COL21A1: variants seen among roughly 807,000 people sequenced by gnomAD.
The protein encoded by COL21A1 is collagen alpha-1(XXI) chain.
Under a neutral mutation model 137.9 loss-of-function variants are expected in COL21A1, and 149 were observed. The observed-to-expected ratio is 1.08, with a 90% confidence interval of 0.95 to 1.24. The LOEUF (loss-of-function observed/expected upper bound fraction) is 1.24. Ranked by LOEUF, COL21A1 falls within the 50% of genes most tolerant of loss-of-function variation. The pLI, the probability that COL21A1 is intolerant of heterozygous loss-of-function variation, is 0.00. For missense variants in COL21A1, 1,167 were observed against 1,158.4 expected (o/e 1.01, Z -0.11); for synonymous variants, 456 against 391.5 (o/e 1.16, Z -1.95).
intron 12 of COL21A1, among the ~76,000 whole-genome samples, chr6:56,126,968 A>T (rs945381396): frequency 1.3e-5 from 2 of 152,190 alleles, no homozygotes; most frequent in African/African-American, 4.8e-5. Flanking sequence ...ATATGATTTA[A>T]AGAGTGATAT....
chr6:56,171,167 C>T, intron 3 of COL21A1, 39 bp from the exon 4 acceptor site: 1 of 1,455,856 alleles, frequency 6.9e-7, no homozygotes, highest in Non-Finnish European at 9.3e-7. Context: ...TAATCATGGA[C>T]TATTCAAACA....
At chr6:56,098,202 TATATATAAATATATAAATAC>T (rs1225167649) in intron 17 of COL21A1, among the ~76,000 whole-genome samples, 9 of 10,512 alleles carry the variant, frequency 8.6e-4, no homozygotes, top group Non-Finnish European at 1.1e-3. Flanking sequence ...AATATATAAA[TATATATAAATATATAAATAC>T]ATATATAAAT....
At chr6:56,063,456 G>A (rs1418680285) in intron 24 of COL21A1, among the ~76,000 whole-genome samples, 1 of 70,262 alleles carries the variant, frequency 1.4e-5, no homozygotes. Flanking sequence ...TGCCAGGTTG[G>A]GGAATAGGAT....
intron 1 of COL21A1, among the ~76,000 whole-genome samples, chr6:56,386,404 C>T (rs1420226126): frequency 6.6e-6 from 1 of 152,114 alleles, no homozygotes; most frequent in Non-Finnish European, 1.5e-5. Context: ...CTTTCAGTTT[C>T]TTCTATGTAC....
chr6:56,390,739 T>C (rs1051224913), intron 1 of COL21A1, among the ~76,000 whole-genome samples: 1 of 152,128 alleles, frequency 6.6e-6, no homozygotes, highest in Non-Finnish European at 1.5e-5. Flanking sequence ...GGTCATTATA[T>C]AATGATAAAG....
At chr6:56,294,373 A>G (rs1454728661) in intron 1 of COL21A1, among the ~76,000 whole-genome samples, 1 of 152,088 alleles carries the variant, frequency 6.6e-6, no homozygotes, top group African/African-American at 2.4e-5. Flanking sequence ...TACATTGCAT[A>G]TTTCTACAAT....
At chr6:56,274,807 A>G (rs1284964421) in intron 1 of COL21A1, among the ~76,000 whole-genome samples, 2 of 152,156 alleles carry the variant, frequency 1.3e-5, no homozygotes, top group Admixed American at 6.5e-5. Flanking sequence ...AAAGCAAATC[A>G]TAAATTTAAT....
chr6:56,168,382 C>T (rs1776764027), intron 5 of COL21A1, 85 bp from the exon 6 acceptor site: 1 of 1,161,874 alleles, frequency 8.6e-7, no homozygotes, highest in South Asian at 2.4e-5. Flanking sequence ...TGTTCCTAAC[C>T]ATTGCTGAGA....
chr6:56,180,200 A>G lies in COL21A1; in HGVS notation c.89-71T>C, dbSNP rs141338621. 2.0e-4 allele frequency: 249 copies of G among 1,215,412 alleles called. 3 individuals carry two copies. In the Admixed American group the frequency reaches 2.1e-3, roughly 10 times the overall value. 75.3% of individuals were successfully genotyped at this position (1,215,412 alleles called of 1,614,324 possible). The stretch of plus-strand genomic sequence containing the variant: ...GCAAAAAGGGAGAGATTTTAAATAT[A>G]TGAGTTTCAGCTATACACTAATATC... On this transcript the variant is annotated intron_variant, in intron 2 of 29. Transcript: ENST00000244728.
upstream of COL21A1, among the ~76,000 whole-genome samples, chr6:56,252,447 A>G (rs3846927): frequency 0.23 from 34,893 of 152,134 alleles, 5,478 homozygotes; most frequent in East Asian, 0.66. Flanking sequence ...GTTTATGTGT[A>G]ATTTATTTTT....
chr6:56,101,742 C>CTCCCG (rs1770477046), intron 16 of COL21A1, among the ~76,000 whole-genome samples: 1 of 146,186 alleles, frequency 6.8e-6, no homozygotes, highest in Non-Finnish European at 1.5e-5. Flanking sequence ...TACATAATGG[C>CTCCCG]AGATAATTAA....
chr6:56,184,537 C>T (rs1480095061), intron 1 of COL21A1, among the ~76,000 whole-genome samples: 1 of 152,108 alleles, frequency 6.6e-6, no homozygotes, highest in Non-Finnish European at 1.5e-5. Flanking sequence ...AGTAGTGGAA[C>T]AGAAGGTTGG....
chr6:56,138,131 T>C (rs1774139748), intron 12 of COL21A1, among the ~76,000 whole-genome samples: 1 of 152,034 alleles, frequency 6.6e-6, no homozygotes, highest in South Asian at 2.1e-4. Flanking sequence ...ACCACTTCCA[T>C]AAAAAGTAGA....
At chr6:56,191,589 C>T (rs1358739722) in intron 1 of COL21A1, among the ~76,000 whole-genome samples, 1 of 33,372 alleles carries the variant, frequency 3.0e-5, no homozygotes, top group Non-Finnish European at 5.2e-5. Context: ...AAGACTCTAT[C>T]TCAAAAAAAA....
intron 1 of COL21A1, among the ~76,000 whole-genome samples, chr6:56,349,346 G>GA (rs60307280): frequency 0.22 from 32,060 of 146,676 alleles, 3,839 homozygotes; most frequent in South Asian, 0.34. Context: ...CCGCCCCCCT[G>GA]AAAAAAAAAA....
intron 1 of COL21A1, among the ~76,000 whole-genome samples, chr6:56,345,713 C>T (rs1289324730): frequency 6.6e-6 from 1 of 152,178 alleles, no homozygotes; most frequent in Admixed American, 6.5e-5. Flanking sequence ...TTGAAGGAGC[C>T]AGTGTGTCTT....
chr6:56,256,903 A>T (rs796733173), intron 1 of COL21A1, among the ~76,000 whole-genome samples: 5 of 152,258 alleles, frequency 3.3e-5, no homozygotes, highest in African/African-American at 1.2e-4. Flanking sequence ...ATCCATAATC[A>T]ATCATACAAA....
chr6:56,306,322 G>A (rs1427937314), intron 1 of COL21A1, among the ~76,000 whole-genome samples: 1 of 150,966 alleles, frequency 6.6e-6, no homozygotes, highest in African/African-American at 2.4e-5. Context: ...ATCCTGCAGA[G>A]TGTTTTCCAA....
intron 1 of COL21A1, among the ~76,000 whole-genome samples, chr6:56,227,566 G>T (rs1270832492): frequency 6.6e-6 from 1 of 151,976 alleles, no homozygotes; most frequent in African/African-American, 2.4e-5. Flanking sequence ...AAAAATACAT[G>T]AAGCTTGGTT....
Sources: allele counts gnomAD v4.1 joint callset (sites outside exome capture counted in the v4.1 genomes callset), GRCh38; gene constraint gnomAD v4.1.1; transcripts MANE v1.5; gene names NCBI Gene and HGNC (gene_info 2026-07-23, HGNC 2026-07-21).